The following CDH1 variants were observed in gnomAD, a reference collection of about 807,000 sequenced individuals.
CDH1 encodes cadherin-1.
In CDH1, 35 loss-of-function variants were observed where a neutral mutation model predicts 84.5. That is an observed-to-expected ratio of 0.41 (90% CI 0.32 to 0.55). CDH1 has a LOEUF of 0.55. CDH1 is among the 20% of genes least tolerant of loss of function. CDH1 has a pLI of 0.19. For missense variants in CDH1, 994 were observed against 1,126.6 expected (o/e 0.88, Z 1.68); for synonymous variants, 417 against 439.0 (o/e 0.95, Z 0.63).
intron 9 of CDH1, among the ~76,000 whole-genome samples, chr16:68,814,805 A>G (rs1364427958): frequency 6.6e-6 from 1 of 151,826 alleles, no homozygotes; most frequent in Admixed American, 6.6e-5. Flanking sequence ...CGGTGGGCCC[A>G]ACTACTTGGG....
intron 1 of CDH1, 128 bp from the exon 2 acceptor site, chr16:68,738,169 G>A (rs1253178201): frequency 1.4e-5 from 9 of 643,390 alleles, no homozygotes; most frequent in Non-Finnish European, 2.4e-5. Context: ...GCCCGTCCCG[G>A]GGCTGCGGGC....
intron 3 of CDH1, 122 bp downstream of exon 3, chr16:68,802,015 G>A: frequency 1.2e-6 from 1 of 813,286 alleles, no homozygotes. Context: ...GGGTTGTCCT[G>A]TGCACTGTGT....
At chr16:68,786,448 A>C (rs2152122845) in intron 2 of CDH1, among the ~76,000 whole-genome samples, 1 of 150,138 alleles carries the variant, frequency 6.7e-6, no homozygotes, top group Non-Finnish European at 1.5e-5. Context: ...CGGGGATTAC[A>C]GGGTTGAGCC....
chr16:68,811,145 C>G (rs913869518), intron 6 of CDH1, among the ~76,000 whole-genome samples: 4 of 151,876 alleles, frequency 2.6e-5, no homozygotes, highest in Non-Finnish European at 5.9e-5. Context: ...CACCTGTAAC[C>G]CCAGCACTTT....
chr16:68,808,408 T>C lies in CDH1; in HGVS notation c.388-16T>C. On this transcript the variant is annotated splice_polypyrimidine_tract_variant and intron_variant, in intron 3 of 15. Coordinates refer to ENST00000261769, the MANE Select transcript of CDH1 (RefSeq NM_004360.5). ...TTGAATTGTCTTATCTTGTTCCTCATCTTCTTTCCTTTTAGGCCTCCGTTT... is the reference window on the plus strand; with the variant it reads ...TTGAATTGTCTTATCTTGTTCCTCACCTTCTTTCCTTTTAGGCCTCCGTTT... The C allele has an allele frequency of 6.2e-7, 1 of 1,614,136 alleles. No homozygotes were observed. The highest frequency in any genetic ancestry group is 8.5e-7 in the Non-Finnish European group (1 of 1,179,964).
intron 5 of CDH1, 151 bp from the exon 6 acceptor site, chr16:68,810,046 G>A: frequency 1.3e-6 from 1 of 777,332 alleles, no homozygotes; most frequent in Non-Finnish European, 2.3e-6. Flanking sequence ...TGAAGCAGCA[G>A]CAGCACATGT....
At chr16:68,757,410 T>C (rs1963043123) in intron 2 of CDH1, among the ~76,000 whole-genome samples, 1 of 152,106 alleles carries the variant, frequency 6.6e-6, no homozygotes, top group African/African-American at 2.4e-5. Context: ...TTCCTGTAAG[T>C]TGTACTTATT....
At chr16:68,788,438 C>G (rs12919719) in intron 2 of CDH1, among the ~76,000 whole-genome samples, 38,602 of 152,074 alleles carry the variant, frequency 0.25, 5,163 homozygotes, top group Middle Eastern at 0.32. Flanking sequence ...TATTGGTAGT[C>G]AAGCCTAACT....
chr16:68,774,386 G>T lies in CDH1; in HGVS notation c.164-27284G>T, dbSNP rs147351207. ...AATACAAAAATTAGCTGGGCGTGGCGGTGGGTGCCTTTAATCCCAGCTGCT... is the reference window on the plus strand; with the variant it reads ...AATACAAAAATTAGCTGGGCGTGGCTGTGGGTGCCTTTAATCCCAGCTGCT... On this transcript the variant is annotated intron_variant, in intron 2 of 15. Transcript: ENST00000261769. 9.8e-3 allele frequency among the ~76,000 whole-genome samples: 1,487 copies of T among 152,168 alleles called. 12 individuals carry two copies. Among genetic ancestry groups the T allele is most frequent in the Middle Eastern group, 0.065 (19 of 294 alleles).
intron 2 of CDH1, among the ~76,000 whole-genome samples, chr16:68,740,486 G>A (rs1157403323): frequency 6.6e-6 from 1 of 152,052 alleles, no homozygotes; most frequent in East Asian, 1.9e-4. Context: ...ATTGAGGAGT[G>A]GCTTCTCGGG....
chr16:68,789,049 G>A (rs1355150416), intron 2 of CDH1, among the ~76,000 whole-genome samples: 10 of 151,906 alleles, frequency 6.6e-5, no homozygotes, highest in Admixed American at 5.9e-4. Context: ...AGGAAGATCC[G>A]TTCTCACTGT....
At chr16:68,777,350 G>C (rs1486113525) in intron 2 of CDH1, among the ~76,000 whole-genome samples, 1 of 152,070 alleles carries the variant, frequency 6.6e-6, no homozygotes, top group Admixed American at 6.6e-5. Flanking sequence ...TTGTCAAATG[G>C]AGACAATAAT....
At chr16:68,819,955 TAGAG>T (rs1427621489) in intron 11 of CDH1, among the ~76,000 whole-genome samples, 1 of 152,146 alleles carries the variant, frequency 6.6e-6, no homozygotes, top group Admixed American at 6.6e-5. Flanking sequence ...TCCCAGCACT[TAGAG>T]AGGCTGAGGT....
rs35619651 is a variant in CDH1, at chr16:68,813,898, C to T, written c.1320+403C>T. Among the ~76,000 whole-genome samples, 19 of 149,768 alleles carry T rather than the reference C, an allele frequency of 1.3e-4. No homozygotes were observed. In the East Asian group the frequency reaches 3.8e-3, roughly 30 times the overall value. ...AGTGAGCCAAGATCGTGCCATTGCA[C>T]TCCAGCTCTGGGTGACAGAGCAAGA... On this transcript the variant is annotated intron_variant, in intron 9 of 15. Coordinates refer to ENST00000261769, the MANE Select transcript of CDH1 (RefSeq NM_004360.5).
chr16:68,759,211 G>A (rs1342849039), intron 2 of CDH1, among the ~76,000 whole-genome samples: 4 of 151,962 alleles, frequency 2.6e-5, no homozygotes, highest in Non-Finnish European at 4.4e-5. Flanking sequence ...CAAGTGGTGG[G>A]ATTACAGGGG....
chr16:68,801,731 C>G lies in CDH1; in HGVS notation c.225C>G (p.Phe75Leu), dbSNP rs767019668. The change falls in exon 3 of 16, where the codon TTC becomes TTG. Residue 75 changes from phenylalanine to leucine, a missense_variant. This residue lies in a region of CDH1 where 203 missense variants were observed against 194.0 expected (regional missense o/e 1.05). Transcript: ENST00000261769. ...RTAYFSLDTR[F>L]KVGTDGVITV... ...CCTATTTTTCCCTCGACACCCGATTCAAAGTGGGCACAGATGGTGTGATTA... is the reference window on the plus strand; with the variant it reads ...CCTATTTTTCCCTCGACACCCGATTGAAAGTGGGCACAGATGGTGTGATTA... 1.9e-6 allele frequency: 3 copies of G among 1,614,048 alleles called. No individual in the cohort carries two copies. In the African/African-American group the frequency reaches 4.0e-5, roughly 22 times the overall value.
chr16:68,828,720 C>T (rs577776747), intron 14 of CDH1, among the ~76,000 whole-genome samples: 3 of 152,304 alleles, frequency 2.0e-5, no homozygotes, highest in Non-Finnish European at 4.4e-5. Context: ...GACCAAACTC[C>T]TTTTCTGTCA....
chr16:68,828,392 TC>T lies in CDH1; in HGVS notation c.2295+89del, dbSNP rs543680402. On this transcript the variant is annotated intron_variant, in intron 14 of 15. Coordinates refer to ENST00000261769, the MANE Select transcript of CDH1 (RefSeq NM_004360.5). The stretch of plus-strand genomic sequence containing the variant: ...GTAAGAGGTAGGCATTTGAAACAGC[TC>T]TGAATCACTTTGGATATTATCTTTT... 1,702 of 1,357,062 alleles carry T rather than the reference TC, an allele frequency of 1.3e-3. 3 individuals are homozygous for T. Among genetic ancestry groups the T allele is most frequent in the Admixed American group, 1.7e-3 (100 of 58,432 alleles). 84.1% of individuals were successfully genotyped at this position (1,357,062 alleles called of 1,614,324 possible). A position where few individuals can be genotyped will look rare whatever the true frequency, so the allele number is the denominator to read the frequency against.
chr16:68,817,396 G>A (rs944477381), intron 10 of CDH1, among the ~76,000 whole-genome samples: 1 of 152,200 alleles, frequency 6.6e-6, no homozygotes, highest in Non-Finnish European at 1.5e-5. Context: ...AAGGATTATA[G>A]TAATCATTGC....
Sources: gnomAD v4.1 joint callset for allele counts (sites outside exome capture counted in the v4.1 genomes callset) on GRCh38, gnomAD v4.1.1 for gene constraint, gnomAD v4.1.1 regional missense constraint, MANE v1.5 for transcripts, NCBI Gene and HGNC (gene_info 2026-07-23, HGNC 2026-07-21) for gene names.